PKP4: variants seen among roughly 807,000 people sequenced by gnomAD.
The protein encoded by PKP4 is plakophilin 4, also known as plakophilin-4.
In PKP4, 90 loss-of-function variants were observed where a neutral mutation model predicts 145.1. That is an observed-to-expected ratio of 0.62 (90% CI 0.52 to 0.74). The LOEUF (loss-of-function observed/expected upper bound fraction) is 0.74. Among genes scored for constraint, PKP4 ranks in the 30% least tolerant of loss-of-function variants. The pLI is 0.00. For missense variants in PKP4, 1,340 were observed against 1,482.7 expected (o/e 0.90, Z 1.58); for synonymous variants, 563 against 577.2 (o/e 0.98, Z 0.35).
At chr2:158,542,243 T>A (rs1208952739) in intron 2 of PKP4, among the ~76,000 whole-genome samples, 1 of 152,178 alleles carries the variant, frequency 6.6e-6, no homozygotes, top group Non-Finnish European at 1.5e-5. Context: ...AGATAAGTAA[T>A]ATTATTTTTC....
chr2:158,505,540 G>A (rs2040892865), intron 1 of PKP4, among the ~76,000 whole-genome samples: 1 of 152,136 alleles, frequency 6.6e-6, no homozygotes, highest in Non-Finnish European at 1.5e-5. Context: ...AGTGAACAAA[G>A]TCTCTTCTGT....
At chr2:158,554,929 C>T (rs983740895) in intron 2 of PKP4, among the ~76,000 whole-genome samples, 3 of 152,262 alleles carry the variant, frequency 2.0e-5, no homozygotes, top group Non-Finnish European at 1.5e-5. Flanking sequence ...CTACATAATA[C>T]TTGCACAGTG....
intron 1 of PKP4, among the ~76,000 whole-genome samples, chr2:158,480,083 C>T (rs573098061): frequency 6.6e-6 from 1 of 152,172 alleles, no homozygotes; most frequent in Non-Finnish European, 1.5e-5. Context: ...TCCCATATCC[C>T]TAGGTCAGGA....
intron 1 of PKP4, among the ~76,000 whole-genome samples, chr2:158,481,996 A>G (rs1335145286): frequency 6.6e-6 from 1 of 152,216 alleles, no homozygotes; most frequent in African/African-American, 2.4e-5. Context: ...TACTTGGAAT[A>G]ATGTTGGTAA....
At chr2:158,550,527 G>T (rs2045530651) in intron 2 of PKP4, among the ~76,000 whole-genome samples, 1 of 152,188 alleles carries the variant, frequency 6.6e-6, no homozygotes, top group African/African-American at 2.4e-5. Flanking sequence ...TACCACCAGG[G>T]CTGACTCCCT....
chr2:158,664,242 G>A (rs902279392), intron 15 of PKP4, among the ~76,000 whole-genome samples: 1 of 152,212 alleles, frequency 6.6e-6, no homozygotes, highest in African/African-American at 2.4e-5. Flanking sequence ...CAGAACACAG[G>A]TTGGGCAGCA....
chr2:158,484,031 T>A (rs1439911618), intron 1 of PKP4, among the ~76,000 whole-genome samples: 1 of 124,270 alleles, frequency 8.0e-6, no homozygotes, highest in Admixed American at 1.1e-4. Context: ...TTTTTCTTTT[T>A]CTTTTTTTTT....
chr2:158,580,371 C>T (rs1041354055), intron 3 of PKP4, among the ~76,000 whole-genome samples: 1 of 151,970 alleles, frequency 6.6e-6, no homozygotes, highest in Non-Finnish European at 1.5e-5. Context: ...ATGGGTCATG[C>T]AGAAATGGGA....
chr2:158,604,240 T>G (rs1430390210), intron 4 of PKP4, among the ~76,000 whole-genome samples: 1 of 152,130 alleles, frequency 6.6e-6, no homozygotes, highest in Non-Finnish European at 1.5e-5. Flanking sequence ...GCATTGTCAC[T>G]GGGCAAAAGA....
In PKP4 at chr2:158,625,898, C is replaced by T. The variant is rs994370179; in HGVS notation, c.1153+471C>T. On this transcript the variant is annotated intron_variant, in intron 7 of 21. Transcript: ENST00000389759. ...TAGACTAGACTATGAATTTTATCCC[C>T]TACTTGATTTTGGCATTTTAACGGT... Among the ~76,000 whole-genome samples, 12 of 152,138 alleles carry T rather than the reference C, an allele frequency of 7.9e-5. No homozygotes were observed. The South Asian group carries it at 1.5e-3, about 18-fold the overall frequency.
chr2:158,552,334 TTTG>T (rs2045703478), intron 2 of PKP4, among the ~76,000 whole-genome samples: 1 of 152,316 alleles, frequency 6.6e-6, no homozygotes, highest in South Asian at 2.1e-4. Flanking sequence ...AGAATAAATT[TTTG>T]TTGTTCTATT....
intron 1 of PKP4, among the ~76,000 whole-genome samples, chr2:158,499,515 G>A (rs1309394162): frequency 1.3e-5 from 2 of 152,166 alleles, no homozygotes; most frequent in Non-Finnish European, 2.9e-5. Flanking sequence ...TTTAACACAT[G>A]TCTGCATTTG....
intron 1 of PKP4, among the ~76,000 whole-genome samples, chr2:158,482,049 C>A (rs185530004): frequency 6.6e-6 from 1 of 152,180 alleles, no homozygotes; most frequent in Non-Finnish European, 1.5e-5. Context: ...GCCATAATTA[C>A]GTACCTGTGC....
intron 2 of PKP4, among the ~76,000 whole-genome samples, chr2:158,546,470 C>G (rs532844790): frequency 6.6e-6 from 1 of 152,136 alleles, no homozygotes; most frequent in South Asian, 2.1e-4. Flanking sequence ...TAAGTAATCA[C>G]AAGATATTTG....
intron 1 of PKP4, among the ~76,000 whole-genome samples, chr2:158,529,743 T>C (rs971723670): frequency 1.3e-5 from 2 of 152,244 alleles, no homozygotes; most frequent in African/African-American, 4.8e-5. Flanking sequence ...AATATGCTGC[T>C]GAGCTAACCT....
intron 15 of PKP4, among the ~76,000 whole-genome samples, chr2:158,663,961 C>G (rs2056848499): frequency 6.6e-6 from 1 of 152,226 alleles, no homozygotes; most frequent in South Asian, 2.1e-4. Context: ...TGGGCCAGGA[C>G]TACTGGCTGC....
intron 2 of PKP4, among the ~76,000 whole-genome samples, chr2:158,543,205 G>A (rs1053771289): frequency 3.3e-5 from 5 of 152,030 alleles, no homozygotes; most frequent in Non-Finnish European, 7.4e-5. Context: ...CGTACAAATC[G>A]AGCATCTCTA....
intron 3 of PKP4, among the ~76,000 whole-genome samples, chr2:158,580,251 G>A (rs1260948590): frequency 2.6e-5 from 4 of 152,128 alleles, no homozygotes; most frequent in African/African-American, 9.7e-5. Flanking sequence ...CATATTGTGG[G>A]TAGTAGTTTC....
At chr2:158,644,217 A>G (rs749559216) in intron 11 of PKP4, among the ~76,000 whole-genome samples, 2 of 152,234 alleles carry the variant, frequency 1.3e-5, no homozygotes, top group Admixed American at 6.5e-5. Context: ...TGGGAGGCCT[A>G]TGAACAGACC....
Sources: allele counts gnomAD v4.1 joint callset (sites outside exome capture counted in the v4.1 genomes callset), GRCh38; gene constraint gnomAD v4.1.1; transcripts MANE v1.5; gene names NCBI Gene and HGNC (gene_info 2026-07-23, HGNC 2026-07-21).